The following NOL4L variants were observed in gnomAD, a reference collection of about 807,000 sequenced individuals.
NOL4L encodes the protein nucleolar protein 4-like.
NOL4L carries 7 observed loss-of-function variants against 64.5 expected under a neutral mutation model. The observed-to-expected ratio is 0.11, with a 90% CI of 0.06 to 0.20. The LOEUF is 0.20. Among genes scored for constraint, NOL4L ranks in the 10% least tolerant of loss-of-function variants. NOL4L has a pLI of 1.00. For missense variants in NOL4L, 680 were observed against 967.1 expected (o/e 0.70, Z 3.94); for synonymous variants, 413 against 401.0 (o/e 1.03, Z -0.36).
chr20:32,536,622 G>C (rs1272060119), intron 1 of NOL4L, among the ~76,000 whole-genome samples: 2 of 149,058 alleles, frequency 1.3e-5, no homozygotes, highest in Non-Finnish European at 3.0e-5. Context: ...GGCTCCTCGC[G>C]GGCAGGCAGG....
chr20:32,580,622 G>A (rs1314032419), intron 1 of NOL4L, among the ~76,000 whole-genome samples: 1 of 152,226 alleles, frequency 6.6e-6, no homozygotes, highest in Non-Finnish European at 1.5e-5. Flanking sequence ...TTTCCCTTGG[G>A]GAATGGGGCT....
intron 2 of NOL4L, among the ~76,000 whole-genome samples, chr20:32,522,170 C>T (rs115046366): frequency 0.011 from 1,713 of 152,324 alleles, 22 homozygotes; most frequent in African/African-American, 0.04. Flanking sequence ...AGGACCAGCT[C>T]AGGCACAGCT....
Position 32,447,277 on chromosome 20 carries a change from G to A in NOL4L, c.*319C>T, listed in dbSNP as rs569170514. 1.9e-5 allele frequency: 11 copies of A among 566,658 alleles called. No individual in the cohort carries two copies. In the East Asian group the frequency reaches 4.6e-4, roughly 24 times the overall value. 35.1% of individuals were successfully genotyped at this position (566,658 alleles called of 1,614,324 possible). ...ATCTGGGGGTGGGATTCTAACATCA[G>A]GGTCCACGAAGGTGATTCTAAACAG... On this transcript the variant is annotated 3_prime_UTR_variant, in exon 11 of 11. Transcript: ENST00000621426.
At chr20:32,466,387 C>T (rs1401257021) in intron 5 of NOL4L, among the ~76,000 whole-genome samples, 2 of 152,232 alleles carry the variant, frequency 1.3e-5, no homozygotes, top group Admixed American at 1.3e-4. Context: ...AAAGGGATCT[C>T]TCGGTGCTGT....
intron 1 of NOL4L, among the ~76,000 whole-genome samples, chr20:32,577,750 G>C (rs1006963211): frequency 1.3e-5 from 2 of 152,186 alleles, no homozygotes; most frequent in Admixed American, 6.5e-5. Context: ...GATAGTACTG[G>C]AGACACAGAA....
chr20:32,565,325 C>T (rs1052209665), intron 1 of NOL4L, among the ~76,000 whole-genome samples: 9 of 152,180 alleles, frequency 5.9e-5, no homozygotes, highest in Non-Finnish European at 1.0e-4. Flanking sequence ...GCCTGAGCTT[C>T]CCCAGGCTCT....
rs143615421 is a variant in NOL4L at position 32,521,687 on chromosome 20, G to C, written c.478-765C>G. 4.1e-3 allele frequency among the ~76,000 whole-genome samples: 624 copies of C among 152,328 alleles called. 4 individuals are homozygous for C. Among genetic ancestry groups the C allele is most frequent in the Middle Eastern group, 0.027 (8 of 294 alleles). ...AACATGAAAAAAGGGCTGGGTGGGG[G>C]AGTGGGGAAGAAGTGGCTGTGGGCC... On this transcript the variant is annotated intron_variant, in intron 2 of 10. Transcript: ENST00000621426.
At chr20:32,537,053 C>A in intron 1 of NOL4L, 2 of 984,758 alleles carry the variant, frequency 2.0e-6, no homozygotes, top group Non-Finnish European at 2.4e-6. Context: ...GCGCACCTGC[C>A]CTGCCCCGCC....
intron 5 of NOL4L, among the ~76,000 whole-genome samples, chr20:32,473,777 T>G (rs910114313): frequency 1.3e-5 from 2 of 152,164 alleles, no homozygotes; most frequent in Non-Finnish European, 2.9e-5. Context: ...TCCTAATTGC[T>G]GGCTCCGGCT....
chr20:32,539,372 C>T (rs745936113), intron 1 of NOL4L, among the ~76,000 whole-genome samples: 8 of 152,144 alleles, frequency 5.3e-5, no homozygotes, highest in East Asian at 1.9e-4. Context: ...GGGGGCATGA[C>T]GTGAGAGAAC....
chr20:32,574,209 G>C (rs1979941370), intron 1 of NOL4L, among the ~76,000 whole-genome samples: 1 of 152,216 alleles, frequency 6.6e-6, no homozygotes, highest in Admixed American at 6.5e-5. Context: ...CAGTGGCTCT[G>C]CCCAGTCAAG....
chr20:32,585,012 T>G lies in NOL4L; in HGVS notation c.-122A>C. On this transcript the variant is annotated 5_prime_UTR_variant, in exon 1 of 11. Coordinates refer to ENST00000621426, the MANE Select transcript of NOL4L (RefSeq NM_001256798.2). ...CCGCGGCCGCGTCTGTCCCGCGGTG[T>G]GGCTCCGGCGAGGCTGCTGGATGGG... 2 of 456,840 alleles carry G rather than the reference T, an allele frequency of 4.4e-6. No homozygotes were observed. The highest frequency in any genetic ancestry group is 5.7e-6 in the Non-Finnish European group (2 of 349,016). The allele number at this position is 456,840 out of a possible 1,614,324, so 28.3% of individuals were successfully genotyped here.
At position 32,464,894 on chromosome 20, in the gene NOL4L, G is replaced by C. The variant is rs2145458453; in HGVS notation, c.842-8499C>G. 2.4e-6 allele frequency: 1 copy of C among 424,354 alleles called. No individual in the cohort carries two copies. The highest frequency in any genetic ancestry group is 4.3e-5 in the Admixed American group (1 of 23,106). 26.3% of individuals were successfully genotyped at this position (424,354 alleles called of 1,614,324 possible). ...ATATTTCACCTTCTTCTTTCCTACG[G>C]AGCCGCTGAGACGCAGCGTGTATTG... On this transcript the variant is annotated intron_variant, in intron 5 of 10. Transcript: ENST00000621426. The surrounding 1 kb of genome is among the most constrained non-coding windows in gnomAD (Gnocchi z 5.6).
At chr20:32,452,521 C>T in intron 9 of NOL4L, 84 bp from the exon 10 acceptor site, 1 of 1,277,970 alleles carries the variant, frequency 7.8e-7, no homozygotes, top group Non-Finnish European at 1.1e-6. Flanking sequence ...TGGATAAATG[C>T]TGCGGCCCCA....
intron 1 of NOL4L, chr20:32,536,113 T>G (rs2145590942): frequency 1.0e-6 from 1 of 985,496 alleles, no homozygotes; most frequent in South Asian, 4.7e-5. Flanking sequence ...AGGAAGTGTG[T>G]GGGAACCCAA....
At chr20:32,533,029 T>C (rs1223965220) in intron 1 of NOL4L, among the ~76,000 whole-genome samples, 2 of 152,210 alleles carry the variant, frequency 1.3e-5, no homozygotes, top group Non-Finnish European at 2.9e-5. Flanking sequence ...CGCATGCCTG[T>C]AGTCTCAGCT....
At chr20:32,544,601 G>C (rs917105981) in intron 1 of NOL4L, among the ~76,000 whole-genome samples, 3 of 151,718 alleles carry the variant, frequency 2.0e-5, no homozygotes, top group Admixed American at 6.5e-5. Context: ...GGTGGGCGAG[G>C]CTGGAAGGAG....
intron 1 of NOL4L, among the ~76,000 whole-genome samples, chr20:32,577,330 G>A (rs1017297535): frequency 6.6e-6 from 1 of 152,220 alleles, no homozygotes; most frequent in African/African-American, 2.4e-5. Context: ...TTCTCAGCAG[G>A]TGCCTGCCAG....
chr20:32,500,794 A>G (rs2016893966), intron 4 of NOL4L, among the ~76,000 whole-genome samples: 1 of 152,144 alleles, frequency 6.6e-6, no homozygotes, highest in Non-Finnish European at 1.5e-5. Flanking sequence ...ATGGCAAAAG[A>G]GCACAGGAAA....
Sources: allele counts gnomAD v4.1 joint callset (sites outside exome capture counted in the v4.1 genomes callset), GRCh38; gene constraint gnomAD v4.1.1; non-coding constraint Gnocchi (gnomAD v3.1); transcripts MANE v1.5; gene names NCBI Gene and HGNC (gene_info 2026-07-23, HGNC 2026-07-21).